The following SH3PXD2B variants were observed in gnomAD, a reference collection of about 807,000 sequenced individuals.
SH3PXD2B encodes SH3 and PX domain-containing protein 2B.
A neutral mutation model predicts 73.1 loss-of-function variants in SH3PXD2B; 37 were observed. The observed-to-expected ratio is 0.51, with a 90% CI of 0.39 to 0.67. The LOEUF is 0.67. Among genes scored for constraint, SH3PXD2B ranks in the 30% least tolerant of loss-of-function variants. The pLI is 0.00. For missense variants in SH3PXD2B, 1,053 were observed against 1,197.8 expected, an observed-to-expected ratio of 0.88 and a Z score of 1.78; for synonymous variants, 457 against 480.5, an observed-to-expected ratio of 0.95 and a Z score of 0.64.
Position 172,336,882 on chromosome 5 carries a change from T to C in SH3PXD2B, c.*1487A>G, listed in dbSNP as rs568083625. 1.7e-4 allele frequency: 168 copies of C among 985,354 alleles called. No homozygotes were observed. The highest frequency in any genetic ancestry group is 3.1e-4 in the Admixed American group (5 of 16,286). The allele number at this position is 985,354 out of a possible 1,614,324, so 61.0% of individuals were successfully genotyped here. ...ATGACCACATCTGCCCTGGGTTTCT[T>C]CAAGGGAGAAAACAGATTTGGCAGT... is the stretch of plus-strand genomic sequence containing the variant. On this transcript the variant is annotated 3_prime_UTR_variant, in exon 13 of 13. Coordinates refer to ENST00000311601, the MANE Select transcript of SH3PXD2B (RefSeq NM_001017995.3).
rs542070048 is a variant in SH3PXD2B at position 172,362,591 on chromosome 5, G to T, written c.562+144C>A. ...ATTCAAGCACAGTGATCAAACAGGG[G>T]CCTCTTTCTAGGAGACCCTCAGCAG... is the stretch of plus-strand genomic sequence containing the variant. On this transcript the variant is annotated intron_variant, in intron 7 of 12. Transcript: ENST00000311601. The T allele has an allele frequency of 4.4e-6, 5 of 1,125,718 alleles. No homozygotes were observed. The African/African-American group carries it at 4.6e-5, about 10-fold the overall frequency. 69.7% of individuals were successfully genotyped at this position (1,125,718 alleles called of 1,614,324 possible). A position where few individuals can be genotyped will look rare whatever the true frequency, so the allele number is the denominator to read the frequency against.
At chr5:172,395,985 T>C in intron 3 of SH3PXD2B, among the ~76,000 whole-genome samples, 1 of 151,988 alleles carries the variant, frequency 6.6e-6, no homozygotes, top group East Asian at 1.9e-4. Flanking sequence ...TTACTATTGA[T>C]CTAAGACGGT....
intron 1 of SH3PXD2B, among the ~76,000 whole-genome samples, chr5:172,442,936 C>A (rs1759579901): frequency 6.6e-6 from 1 of 152,198 alleles, no homozygotes; most frequent in African/African-American, 2.4e-5. Context: ...TCCACCTCTT[C>A]CACCCAGAGG....
At chr5:172,395,182 G>A (rs1490225561) in intron 3 of SH3PXD2B, among the ~76,000 whole-genome samples, 1 of 152,174 alleles carries the variant, frequency 6.6e-6, no homozygotes, top group Non-Finnish European at 1.5e-5. Context: ...GGGGTTAAGA[G>A]TTCCTGGCTC....
intron 5 of SH3PXD2B, among the ~76,000 whole-genome samples, chr5:172,374,307 G>A (rs1318011853): frequency 6.6e-6 from 1 of 152,146 alleles, no homozygotes; most frequent in African/African-American, 2.4e-5. Context: ...GGTGAGAGGG[G>A]ACACTACTAT....
intron 8 of SH3PXD2B, among the ~76,000 whole-genome samples, chr5:172,357,118 CAAAAAAAAAAA>C (rs59461760): frequency 1.7e-5 from 1 of 59,028 alleles, no homozygotes; most frequent in African/African-American, 7.3e-5. Flanking sequence ...GACCCCATCT[CAAAAAAAAAAA>C]AAAAAAAAAA....
rs1459930239 is a variant in SH3PXD2B at position 172,334,743 on chromosome 5, A to T, written c.*3626T>A. On this transcript the variant is annotated 3_prime_UTR_variant, in exon 13 of 13. Transcript: ENST00000311601. ...TCCCACTCTGTGCTGGGTACTTGGGAGAGGCGAAATAAATACCAGACTGTC... is the reference window on the plus strand; with the variant it reads ...TCCCACTCTGTGCTGGGTACTTGGGTGAGGCGAAATAAATACCAGACTGTC... 1.6e-5 allele frequency: 16 copies of T among 985,318 alleles called. No individual in the cohort carries two copies. The highest frequency in any genetic ancestry group is 1.9e-5 in the Non-Finnish European group (16 of 829,946). 61.0% of individuals were successfully genotyped at this position (985,318 alleles called of 1,614,324 possible).
chr5:172,338,986 C>T lies in SH3PXD2B; in HGVS notation c.2119G>A (p.Gly707Ser), dbSNP rs757574607. Reference protein sequence around the residue: ...SRSFLPGEGPGRAQDRTGKQD... With the variant: ...SRSFLPGEGPSRAQDRTGKQD... ...TTGCCCGTCCTGTCCTGGGCGCGGCCAGGCCCCTCTCCTGGGAGGAAGCTT... is the reference window on the plus strand; with the variant it reads ...TTGCCCGTCCTGTCCTGGGCGCGGCTAGGCCCCTCTCCTGGGAGGAAGCTT... Residue 707 changes from glycine (G) to serine (S), a missense_variant, in exon 13 of 13, where the codon GGC becomes AGC. Around this residue, in one of 2 missense-constraint regions of SH3PXD2B, gnomAD observed 587 missense variants for 590.7 expected, o/e 0.99. Coordinates refer to ENST00000311601, the MANE Select transcript of SH3PXD2B (RefSeq NM_001017995.3). This position sits in a 1 kb window ranked among gnomAD's most constrained non-coding sequence, Gnocchi z 5.1. 2.5e-6 allele frequency: 4 copies of T among 1,614,100 alleles called. No homozygotes were observed. The East Asian group carries it at 6.7e-5, about 27-fold the overall frequency.
rs1363597658 is a variant in SH3PXD2B, at chr5:172,335,133, T to TA, written c.*3235dup. ...GGCCTCTTTTATCAAGAGGTGGTCT[T>TA]AGACTCAGGGTTTTCCAAATTTTTG... On this transcript the variant is annotated 3_prime_UTR_variant, in exon 13 of 13. Transcript: ENST00000311601. The TA allele has an allele frequency of 1.0e-6, 1 of 987,254 alleles. No individual in the cohort carries two copies. Among genetic ancestry groups the TA allele is most frequent in the East Asian group, 1.1e-4 (1 of 8,914 alleles). 61.2% of individuals were successfully genotyped at this position (987,254 alleles called of 1,614,324 possible).
intron 5 of SH3PXD2B, among the ~76,000 whole-genome samples, chr5:172,377,950 C>T (rs1445613722): frequency 6.6e-5 from 10 of 152,322 alleles, no homozygotes; most frequent in Admixed American, 5.9e-4. Context: ...TGAACAATGC[C>T]AGTGCCCTTG....
intron 1 of SH3PXD2B, among the ~76,000 whole-genome samples, chr5:172,443,297 T>C (rs570774687): frequency 6.3e-4 from 96 of 152,286 alleles, no homozygotes; most frequent in Non-Finnish European, 1.0e-3. Flanking sequence ...TCACCGCGAG[T>C]TGCTGCCTTC....
At chr5:172,357,397 C>T (rs1757305583) in intron 8 of SH3PXD2B, among the ~76,000 whole-genome samples, 3 of 151,764 alleles carry the variant, frequency 2.0e-5, no homozygotes, top group Non-Finnish European at 4.4e-5. Context: ...GTACTCCAGC[C>T]TGGGAGACAG....
At chr5:172,449,063 A>G (rs999315970) in intron 1 of SH3PXD2B, among the ~76,000 whole-genome samples, 1 of 152,200 alleles carries the variant, frequency 6.6e-6, no homozygotes, top group Admixed American at 6.5e-5. Flanking sequence ...TGCTCAGCAC[A>G]GTGACCCCTA....
At chr5:172,425,899 G>C (rs1026661910) in intron 1 of SH3PXD2B, among the ~76,000 whole-genome samples, 1 of 152,158 alleles carries the variant, frequency 6.6e-6, no homozygotes, top group African/African-American at 2.4e-5. Context: ...GCACCTGCCA[G>C]ATGGGTAAAC....
At chr5:172,439,688 G>GCACACACACACACACA (rs1166130299) in intron 1 of SH3PXD2B, among the ~76,000 whole-genome samples, 42 of 104,220 alleles carry the variant, frequency 4.0e-4, no homozygotes, top group East Asian at 1.1e-3. Context: ...GCGCGCACGC[G>GCACACACACACACACA]CGCGCACACA....
At chr5:172,377,619 G>T (rs571824169) in intron 5 of SH3PXD2B, among the ~76,000 whole-genome samples, 1 of 152,332 alleles carries the variant, frequency 6.6e-6, no homozygotes, top group South Asian at 2.1e-4. Context: ...GAGAAAATAA[G>T]CTCAGAGAAG....
chr5:172,340,344 G>A (rs1418738862), intron 12 of SH3PXD2B, among the ~76,000 whole-genome samples: 1 of 152,162 alleles, frequency 6.6e-6, no homozygotes, highest in East Asian at 1.9e-4. Context: ...CTGGGGATGC[G>A]TGCATTTATC....
chr5:172,378,686 T>C, intron 5 of SH3PXD2B, among the ~76,000 whole-genome samples: 1 of 152,296 alleles, frequency 6.6e-6, no homozygotes, highest in South Asian at 2.1e-4. Flanking sequence ...CCCAAGCAAT[T>C]CTGTGAGGGA....
chr5:172,407,035 T>A (rs146137216), intron 2 of SH3PXD2B, among the ~76,000 whole-genome samples: 17 of 152,282 alleles, frequency 1.1e-4, no homozygotes, highest in African/African-American at 4.1e-4. Context: ...AGGGACTTCA[T>A]GTGAAATATC....
Sources: allele counts gnomAD v4.1 joint callset (sites outside exome capture counted in the v4.1 genomes callset), GRCh38; gene constraint gnomAD v4.1.1; regional missense constraint gnomAD v4.1.1; non-coding constraint Gnocchi (gnomAD v3.1); transcripts MANE v1.5; gene names NCBI Gene and HGNC (gene_info 2026-07-23, HGNC 2026-07-21).